DCAF8L2: variants seen among roughly 807,000 people sequenced by gnomAD.
DCAF8L2 encodes DDB1- and CUL4-associated factor 8-like protein 2.
For missense variants in DCAF8L2, 430 were observed against 490.7 expected (o/e 0.88, Z 1.17); for synonymous variants, 200 against 190.9 (o/e 1.05, Z -0.39).
At chrX:27,551,561 A>G in the DCAF8L2 span, among the ~76,000 whole-genome samples, 14 of 111,446 alleles carry the variant, frequency 1.3e-4, no homozygotes, top group Admixed American at 4.8e-4. Flanking sequence ...CTGAACCCCA[A>G]ATATCTCTGA....
the DCAF8L2 span, among the ~76,000 whole-genome samples, chrX:27,524,376 T>A: frequency 8.9e-6 from 1 of 112,207 alleles, no homozygotes; most frequent in Non-Finnish European, 1.9e-5. Context: ...AGTGGTGATA[T>A]CCCCTTTATC....
the DCAF8L2 span, among the ~76,000 whole-genome samples, chrX:27,525,804 A>G: frequency 9.0e-6 from 1 of 111,613 alleles, no homozygotes; most frequent in Non-Finnish European, 1.9e-5. Flanking sequence ...TTGGCTGGAT[A>G]TGAAATTCTG....
At chrX:27,729,396 C>T (rs1312047546) in intron 4 of DCAF8L2, among the ~76,000 whole-genome samples, 1 of 112,406 alleles carries the variant, frequency 8.9e-6, no homozygotes, top group African/African-American at 3.2e-5. Flanking sequence ...CTTCATGCTC[C>T]TTTGCACTCA....
chrX:27,745,022 C>A (rs1046474419), intron 4 of DCAF8L2, among the ~76,000 whole-genome samples: 3 of 112,003 alleles, frequency 2.7e-5, no homozygotes, highest in Non-Finnish European at 5.6e-5. Flanking sequence ...CTGGACAATT[C>A]CTTTATGGGT....
chrX:27,675,084 G>A (rs763216568), intron 2 of DCAF8L2, among the ~76,000 whole-genome samples: 1 of 111,844 alleles, frequency 8.9e-6, no homozygotes, highest in Non-Finnish European at 1.9e-5. Context: ...CTAAAAATGT[G>A]AAATTTGGAA....
At chrX:27,684,639 A>G (rs772359288) in intron 3 of DCAF8L2, among the ~76,000 whole-genome samples, 7 of 111,871 alleles carry the variant, frequency 6.3e-5, no homozygotes, top group Non-Finnish European at 1.3e-4. Context: ...AGATGGAACC[A>G]TGTATCATGA....
intron 1 of DCAF8L2, among the ~76,000 whole-genome samples, chrX:27,617,979 C>A (rs1315810104): frequency 8.9e-6 from 1 of 111,755 alleles, no homozygotes; most frequent in Non-Finnish European, 1.9e-5. Context: ...TGGAAGCATT[C>A]TATGTTATCA....
At chrX:27,669,936 G>C (rs1049208352) in intron 2 of DCAF8L2, among the ~76,000 whole-genome samples, 14 of 111,395 alleles carry the variant, frequency 1.3e-4, no homozygotes, top group Non-Finnish European at 2.4e-4. Flanking sequence ...ATAAACATAC[G>C]TGTGCATGTG....
intron 3 of DCAF8L2, among the ~76,000 whole-genome samples, chrX:27,688,547 G>T (rs1930591488): frequency 9.1e-6 from 1 of 109,955 alleles, no homozygotes; most frequent in African/African-American, 3.4e-5. Flanking sequence ...TTAATATGAT[G>T]ACCATCTATG....
rs761376025 is a variant in DCAF8L2 at position 27,594,906 on chromosome X, A to G, written c.-342+4466A>G. Reference sequence around the variant, plus strand: ...TATTATAATTTACTTTTTTATATGTACTTAAAATACATATAGTTTACTATG... The same window carrying G: ...TATTATAATTTACTTTTTTATATGTGCTTAAAATACATATAGTTTACTATG... On this transcript the variant is annotated intron_variant, in intron 1 of 4. Coordinates refer to ENST00000451261, the MANE Select transcript of DCAF8L2 (RefSeq NM_001353450.2). 1.1e-4 allele frequency among the ~76,000 whole-genome samples: 12 copies of G among 112,169 alleles called. No homozygotes were observed. The South Asian group carries it at 4.1e-3, about 38-fold the overall frequency.
chrX:27,704,773 A>G (rs1356776815), intron 3 of DCAF8L2, among the ~76,000 whole-genome samples: 1 of 111,483 alleles, frequency 9.0e-6, no homozygotes, highest in Non-Finnish European at 1.9e-5. Flanking sequence ...AACACCTTAA[A>G]TATATGCAAT....
At chrX:27,728,316 C>A (rs1172793019) in intron 4 of DCAF8L2, among the ~76,000 whole-genome samples, 1 of 109,735 alleles carries the variant, frequency 9.1e-6, no homozygotes, top group Admixed American at 9.8e-5. Flanking sequence ...AATTCAATGT[C>A]TTGTTGTTGT....
chrX:27,526,773 A>G, the DCAF8L2 span, among the ~76,000 whole-genome samples: 1 of 112,293 alleles, frequency 8.9e-6, no homozygotes, highest in South Asian at 3.7e-4. Context: ...GGTCTGTTGG[A>G]GTTTGCTGGA....
At chrX:27,571,690 T>C in the DCAF8L2 span, among the ~76,000 whole-genome samples, 1 of 111,807 alleles carries the variant, frequency 8.9e-6, no homozygotes, top group East Asian at 2.8e-4. Context: ...TATGGCTTAT[T>C]CCAGGCCTAA....
At chrX:27,553,253 T>G in the DCAF8L2 span, among the ~76,000 whole-genome samples, 3 of 111,474 alleles carry the variant, frequency 2.7e-5, no homozygotes, top group East Asian at 5.7e-4. Flanking sequence ...ATTCTTTAAA[T>G]GTCTGCTAGG....
chrX:27,624,100 T>G (rs1414366306), intron 1 of DCAF8L2, among the ~76,000 whole-genome samples: 2 of 111,858 alleles, frequency 1.8e-5, no homozygotes, highest in Admixed American at 9.5e-5. Flanking sequence ...GAATTAGAAT[T>G]GTCAGAGTTT....
the DCAF8L2 span, among the ~76,000 whole-genome samples, chrX:27,516,238 T>C: frequency 9.0e-6 from 1 of 111,198 alleles, no homozygotes; most frequent in African/African-American, 3.3e-5. Context: ...GCCTCCTAAC[T>C]GGAAAGATTT....
Position 27,627,665 on chromosome X carries a change from C to G in DCAF8L2, c.-341-4214C>G, listed in dbSNP as rs1928095069. On this transcript the variant is annotated intron_variant, in intron 1 of 4. Coordinates refer to ENST00000451261, the MANE Select transcript of DCAF8L2 (RefSeq NM_001353450.2). ...AATCTCAGCACTTTGGGAAGCTGAG[C>G]CAGGTGGATCACGAGGTCAGGAGAT... Among the ~76,000 whole-genome samples, 32 of 106,480 alleles carry G rather than the reference C, an allele frequency of 3.0e-4. No homozygotes were observed. In the Admixed American group the frequency reaches 3.3e-3, roughly 11 times the overall value. 92.5% of individuals were successfully genotyped at this position (106,480 alleles called of 115,157 possible).
At chrX:27,514,200 GTACA>G in the DCAF8L2 span, among the ~76,000 whole-genome samples, 2 of 78,199 alleles carry the variant, frequency 2.6e-5, no homozygotes, top group East Asian at 1.1e-3. Context: ...GCACACATAT[GTACA>G]TGTATGTGTG....
Sources: allele counts gnomAD v4.1 joint callset (sites outside exome capture counted in the v4.1 genomes callset), GRCh38; gene constraint gnomAD v4.1.1; transcripts MANE v1.5; gene names NCBI Gene and HGNC (gene_info 2026-07-23, HGNC 2026-07-21).